IQCM: variants seen among roughly 807,000 people sequenced by gnomAD.
IQCM encodes the protein IQ domain-containing protein M.
Under a neutral mutation model 57.6 loss-of-function variants are expected in IQCM, and 45 were observed. The observed-to-expected ratio is 0.78, with a 90% CI of 0.62 to 1.00. The LOEUF is 1.00. Ranked by LOEUF, IQCM falls within the 50% of genes least tolerant of loss-of-function variation. The pLI is 0.00. For missense variants in IQCM, 468 were observed against 511.6 expected, an observed-to-expected ratio of 0.91 and a Z score of 0.82; for synonymous variants, 148 against 158.9, an observed-to-expected ratio of 0.93 and a Z score of 0.51.
At chr4:149,593,075 C>A (rs1178663265) in intron 8 of IQCM, among the ~76,000 whole-genome samples, 5 of 152,108 alleles carry the variant, frequency 3.3e-5, no homozygotes, top group Non-Finnish European at 7.4e-5. Context: ...GATATTGGTT[C>A]TTCCTATCCA....
At chr4:149,461,654 CAAAA>C (rs57953107) in intron 12 of IQCM, among the ~76,000 whole-genome samples, 1 of 64,304 alleles carries the variant, frequency 1.6e-5, no homozygotes, top group Admixed American at 1.9e-4. Flanking sequence ...ACCCAGTCTC[CAAAA>C]AAAAAAAAAA....
chr4:149,385,017 A>G (rs961633868), intron 13 of IQCM, among the ~76,000 whole-genome samples: 1 of 152,032 alleles, frequency 6.6e-6, no homozygotes, highest in Non-Finnish European at 1.5e-5. Flanking sequence ...TCTACTTGCT[A>G]CATGTATTGA....
intron 9 of IQCM, among the ~76,000 whole-genome samples, chr4:149,585,523 T>G (rs2654791): frequency 6.6e-6 from 1 of 151,302 alleles, no homozygotes; most frequent in Non-Finnish European, 1.5e-5. Flanking sequence ...TACATATATA[T>G]AGTTTTATAT....
chr4:149,811,530 A>G (rs921919971), intron 2 of IQCM, among the ~76,000 whole-genome samples: 1 of 152,196 alleles, frequency 6.6e-6, no homozygotes, highest in Non-Finnish European at 1.5e-5. Context: ...ATGATAGTGA[A>G]TGGACTGATC....
At chr4:149,414,075 T>C (rs1430375335) in intron 13 of IQCM, among the ~76,000 whole-genome samples, 1 of 152,200 alleles carries the variant, frequency 6.6e-6, no homozygotes, top group Non-Finnish European at 1.5e-5. Context: ...ATGCACATTT[T>C]TGAAAATGAC....
intron 9 of IQCM, among the ~76,000 whole-genome samples, chr4:149,586,904 T>C (rs1406324136): frequency 6.6e-6 from 1 of 151,784 alleles, no homozygotes; most frequent in Non-Finnish European, 1.5e-5. Context: ...TTTCTTTCTA[T>C]GTAAACAGAT....
chr4:149,488,776 A>G (rs1741788964), intron 12 of IQCM, among the ~76,000 whole-genome samples: 1 of 152,142 alleles, frequency 6.6e-6, no homozygotes, highest in Admixed American at 6.6e-5. Flanking sequence ...AAAGAGGCAG[A>G]GTAGGTAGAT....
At chr4:149,463,042 C>T (rs1235809333) in intron 12 of IQCM, among the ~76,000 whole-genome samples, 1 of 152,160 alleles carries the variant, frequency 6.6e-6, no homozygotes, top group African/African-American at 2.4e-5. Flanking sequence ...TTAGTAAGAA[C>T]TTGTAAAAAT....
intron 13 of IQCM, among the ~76,000 whole-genome samples, chr4:149,384,770 A>G (rs1204130832): frequency 1.3e-5 from 2 of 151,690 alleles, no homozygotes; most frequent in African/African-American, 4.8e-5. Context: ...TGTCAGTTTA[A>G]CTTGCAAACC....
intron 12 of IQCM, among the ~76,000 whole-genome samples, chr4:149,472,621 C>T (rs994458590): frequency 2.0e-5 from 3 of 152,118 alleles, no homozygotes; most frequent in East Asian, 3.9e-4. Flanking sequence ...GAAAAAACTA[C>T]TTTAAAGTTC....
chr4:149,355,544 T>A, intron 13 of IQCM, among the ~76,000 whole-genome samples: 1 of 152,142 alleles, frequency 6.6e-6, no homozygotes, highest in East Asian at 1.9e-4. Context: ...GTTTCCAGCT[T>A]CATCCATGTC....
At chr4:149,364,522 T>TC (rs1231546234) in intron 13 of IQCM, among the ~76,000 whole-genome samples, 2 of 151,984 alleles carry the variant, frequency 1.3e-5, no homozygotes, top group African/African-American at 4.8e-5. Context: ...AACTAATGGC[T>TC]CCTAAGGTCC....
intron 8 of IQCM, among the ~76,000 whole-genome samples, chr4:149,600,096 C>T (rs1318041452): frequency 1.3e-5 from 2 of 152,130 alleles, no homozygotes; most frequent in South Asian, 2.1e-4. Context: ...TTTTAAAAAT[C>T]GAATTAAATC....
At chr4:149,757,068 C>G (rs1009752840) in intron 2 of IQCM, among the ~76,000 whole-genome samples, 4 of 152,092 alleles carry the variant, frequency 2.6e-5, no homozygotes, top group Admixed American at 1.3e-4. Context: ...ACCATCCTGG[C>G]TAACACAGTG....
chr4:149,609,335 T>C (rs1011605526), intron 8 of IQCM, among the ~76,000 whole-genome samples: 1 of 151,926 alleles, frequency 6.6e-6, no homozygotes, highest in Non-Finnish European at 1.5e-5. Flanking sequence ...ATACTAATCA[T>C]ACTCAAACTA....
At chr4:149,628,826 G>T (rs901147918) in intron 7 of IQCM, among the ~76,000 whole-genome samples, 1 of 152,110 alleles carries the variant, frequency 6.6e-6, no homozygotes, top group Non-Finnish European at 1.5e-5. Flanking sequence ...CATCTGCAAA[G>T]GTGTAAACTC....
chr4:149,371,487 G>A (rs1045313895), intron 13 of IQCM, among the ~76,000 whole-genome samples: 10 of 152,136 alleles, frequency 6.6e-5, no homozygotes, highest in Non-Finnish European at 8.8e-5. Flanking sequence ...CACAACTGCC[G>A]TGTTTCTGTC....
chr4:149,513,645 G>A (rs148188929), intron 12 of IQCM, among the ~76,000 whole-genome samples: 21 of 152,196 alleles, frequency 1.4e-4, no homozygotes, highest in African/African-American at 4.8e-4. Flanking sequence ...CATTCTATAA[G>A]CTTTATTAGA....
chr4:149,354,597 T>C (rs1294333631), intron 13 of IQCM, among the ~76,000 whole-genome samples: 1 of 151,882 alleles, frequency 6.6e-6, no homozygotes, highest in Admixed American at 6.6e-5. Flanking sequence ...ATACCAAGCA[T>C]ATATTTCATC....
Sources: gnomAD v4.1 joint callset for allele counts (sites outside exome capture counted in the v4.1 genomes callset) on GRCh38, gnomAD v4.1.1 for gene constraint, MANE v1.5 for transcripts, NCBI Gene and HGNC (gene_info 2026-07-23, HGNC 2026-07-21) for gene names.